The following SEPTIN7 variants were observed in gnomAD, a reference collection of about 807,000 sequenced individuals.
The protein encoded by SEPTIN7 is septin 7, also known as septin-7.
SEPTIN7 carries 10 observed loss-of-function variants against 63.3 expected under a neutral mutation model. The observed-to-expected ratio is 0.16, with a 90% CI of 0.10 to 0.27. The LOEUF is 0.27. SEPTIN7 is among the 10% of genes least tolerant of loss of function. SEPTIN7 has a pLI of 1.00. For missense variants in SEPTIN7, 310 were observed against 521.0 expected (o/e 0.59, Z 3.94); for synonymous variants, 131 against 165.3 (o/e 0.79, Z 1.59).
chr7:35,803,340 C>CT (rs1208990405), intron 1 of SEPTIN7, among the ~76,000 whole-genome samples: 1 of 152,102 alleles, frequency 6.6e-6, no homozygotes, highest in Non-Finnish European at 1.5e-5. Flanking sequence ...GTTAGGAATC[C>CT]TTACAGAACC....
chr7:35,808,011 C>T (rs563086001), intron 1 of SEPTIN7, among the ~76,000 whole-genome samples: 4 of 151,848 alleles, frequency 2.6e-5, no homozygotes, highest in African/African-American at 7.2e-5. Flanking sequence ...TTAGTAGAGA[C>T]GGGGTTTCAC....
intron 12 of SEPTIN7, chr7:35,900,316 G>A (rs1182429753): frequency 6.6e-6 from 1 of 152,088 alleles, no homozygotes. Flanking sequence ...GGTTTCAGAC[G>A]CTGAGCACTA....
At chr7:35,807,989 A>G (rs1788459957) in intron 1 of SEPTIN7, among the ~76,000 whole-genome samples, 1 of 150,566 alleles carries the variant, frequency 6.6e-6, no homozygotes, top group Admixed American at 6.6e-5. Flanking sequence ...CGCCTAGCTA[A>G]TTTTTGTATT....
At chr7:35,817,621 A>G (rs1305118084) in intron 1 of SEPTIN7, among the ~76,000 whole-genome samples, 1 of 152,096 alleles carries the variant, frequency 6.6e-6, no homozygotes, top group Non-Finnish European at 1.5e-5. Context: ...TTGTATATCA[A>G]TTTGAAGAGT....
At chr7:35,875,035 G>A (rs763572813) in intron 6 of SEPTIN7, among the ~76,000 whole-genome samples, 3 of 152,206 alleles carry the variant, frequency 2.0e-5, no homozygotes, top group Non-Finnish European at 2.9e-5. Flanking sequence ...AAACTTGTCA[G>A]CTTATAACCA....
intron 9 of SEPTIN7, among the ~76,000 whole-genome samples, chr7:35,885,266 G>A (rs1428433153): frequency 6.6e-6 from 1 of 151,984 alleles, no homozygotes; most frequent in African/African-American, 2.4e-5. Flanking sequence ...TCATGCCCAG[G>A]CAACTTTTAC....
intron 3 of SEPTIN7, among the ~76,000 whole-genome samples, chr7:35,839,513 A>G (rs1440675064): frequency 7.7e-6 from 1 of 130,276 alleles, no homozygotes; most frequent in Non-Finnish European, 1.7e-5. Flanking sequence ...ATATGCTATA[A>G]TTTTTGTAAT....
chr7:35,848,719 A>G (rs1305423515), intron 3 of SEPTIN7, among the ~76,000 whole-genome samples: 1 of 152,212 alleles, frequency 6.6e-6, no homozygotes, highest in Non-Finnish European at 1.5e-5. Context: ...GTCAGGCAGT[A>G]TCTTTTACTA....
At chr7:35,912,064 G>A (rs542624973), downstream of SEPTIN7, among the ~76,000 whole-genome samples, 11 of 152,286 alleles carry the variant, frequency 7.2e-5, no homozygotes, top group East Asian at 1.4e-3. Context: ...GTAGCTCACC[G>A]TGACAAAGCT....
chr7:35,860,907 C>T (rs1307194654), intron 3 of SEPTIN7, among the ~76,000 whole-genome samples: 1 of 152,148 alleles, frequency 6.6e-6, no homozygotes, highest in Non-Finnish European at 1.5e-5. Context: ...TTTTTTCCTT[C>T]ATGTAATCTC....
At chr7:35,889,744 A>AT (rs1040461065) in intron 10 of SEPTIN7, among the ~76,000 whole-genome samples, 6 of 152,124 alleles carry the variant, frequency 3.9e-5, no homozygotes, top group Non-Finnish European at 8.8e-5. Flanking sequence ...GGGTTCCACC[A>AT]TGTTGGCCAG....
chr7:35,880,223 CTTTTTTTT>C, intron 7 of SEPTIN7, among the ~76,000 whole-genome samples: 18 of 72,776 alleles, frequency 2.5e-4, no homozygotes, highest in Non-Finnish European at 3.6e-4. Context: ...TTTTTCTTTT[CTTTTTTTT>C]TTTTTTTTTT....
intron 1 of SEPTIN7, among the ~76,000 whole-genome samples, chr7:35,824,232 C>A (rs1421499878): frequency 6.6e-6 from 1 of 151,786 alleles, no homozygotes; most frequent in African/African-American, 2.4e-5. Flanking sequence ...TTTCTGTATC[C>A]TTAGATTGAC....
At chr7:35,834,180 TAATCTC>T (rs1254011643) in intron 3 of SEPTIN7, among the ~76,000 whole-genome samples, 3 of 152,010 alleles carry the variant, frequency 2.0e-5, no homozygotes, top group African/African-American at 7.2e-5. Flanking sequence ...GTAATATTAA[TAATCTC>T]AAGTGACAAA....
chr7:35,888,669 A>C (rs1300087885), intron 10 of SEPTIN7, among the ~76,000 whole-genome samples: 3 of 151,950 alleles, frequency 2.0e-5, no homozygotes, highest in Non-Finnish European at 4.4e-5. Flanking sequence ...AAAATACAAG[A>C]AATAGTCGGG....
chr7:35,893,868 G>A (rs138181878), intron 11 of SEPTIN7, among the ~76,000 whole-genome samples: 5,612 of 152,236 alleles, frequency 0.037, 164 homozygotes, highest in Non-Finnish European at 0.052. Flanking sequence ...TTTGTCTCAA[G>A]GTTAGATCTG....
chr7:35,865,424 G>A (rs995882333), intron 4 of SEPTIN7, among the ~76,000 whole-genome samples: 2 of 152,100 alleles, frequency 1.3e-5, no homozygotes, highest in Non-Finnish European at 2.9e-5. Context: ...TTTTCTTTCA[G>A]TGAAGATTAC....
downstream of SEPTIN7, among the ~76,000 whole-genome samples, chr7:35,908,825 C>A (rs1449542404): frequency 6.6e-6 from 1 of 152,192 alleles, no homozygotes; most frequent in Non-Finnish European, 1.5e-5. Flanking sequence ...TGGCTCTCAC[C>A]CAAGTGTGGG....
intron 7 of SEPTIN7, among the ~76,000 whole-genome samples, chr7:35,881,074 T>C (rs1472689728): frequency 6.6e-6 from 1 of 152,004 alleles, no homozygotes; most frequent in Non-Finnish European, 1.5e-5. Context: ...TTTCACCTTT[T>C]TCAATATGAA....
Sources: gnomAD v4.1 joint callset for allele counts (sites outside exome capture counted in the v4.1 genomes callset) on GRCh38, gnomAD v4.1.1 for gene constraint, MANE v1.5 for transcripts, NCBI Gene and HGNC (gene_info 2026-07-23, HGNC 2026-07-21) for gene names.